ADGB: variants seen among roughly 807,000 people sequenced by gnomAD.
The protein encoded by ADGB is calpain-7-like protein.
ADGB carries 172 observed loss-of-function variants against 210.5 expected under a neutral mutation model. That is an observed-to-expected ratio of 0.82 (90% CI 0.72 to 0.93). The LOEUF is 0.93. Ranked by LOEUF, ADGB falls within the 40% of genes least tolerant of loss-of-function variation. The probability of loss-of-function intolerance (pLI) is 0.00; values close to 1 mark genes in which losing one functional copy is unlikely to be tolerated. For synonymous variants in ADGB, 658 were observed against 662.7 expected (o/e 0.99, Z 0.11); for missense variants, 2,025 against 1,964.8 (o/e 1.03, Z -0.58).
rs551961691 is a variant in ADGB at position 146,741,734 on chromosome 6, C to T, written c.3177+463C>T. Among the ~76,000 whole-genome samples the T allele has an allele frequency of 4.6e-5, 7 of 152,258 alleles. No homozygotes were observed. In the South Asian group the frequency reaches 1.0e-3, roughly 23 times the overall value. On this transcript the variant is annotated intron_variant, in intron 25 of 35. Coordinates refer to ENST00000397944, the MANE Select transcript of ADGB (RefSeq NM_024694.4). ...TTTGAGAGCTAAATAAATTGCTTTA[C>T]CAGCCAGAGGTACTTGGGGACCTTA...
chr6:146,736,886 C>T (rs566362146), intron 23 of ADGB, among the ~76,000 whole-genome samples: 3 of 151,990 alleles, frequency 2.0e-5, no homozygotes, highest in Admixed American at 1.3e-4. Context: ...GACCTGGTAG[C>T]GGATGAGATC....
At chr6:146,776,445 A>C (rs1777723677) in intron 29 of ADGB, among the ~76,000 whole-genome samples, 2 of 152,122 alleles carry the variant, frequency 1.3e-5, no homozygotes, top group Admixed American at 1.3e-4. Flanking sequence ...TCTGGCCTTC[A>C]AAGAACTTAA....
chr6:146,633,617 T>C (rs777769622), intron 1 of ADGB, among the ~76,000 whole-genome samples: 21 of 152,130 alleles, frequency 1.4e-4, no homozygotes, highest in Non-Finnish European at 2.5e-4. Flanking sequence ...GGAGCATTCT[T>C]TGATGGATAG....
intron 20 of ADGB, among the ~76,000 whole-genome samples, chr6:146,730,420 GA>G (rs1482106836): frequency 1.3e-5 from 2 of 152,050 alleles, no homozygotes; most frequent in East Asian, 3.9e-4. Context: ...ATACCATCAA[GA>G]TAAGCAATAT....
At position 146,654,207 on chromosome 6, in the gene ADGB, G is replaced by A. The variant is rs764442392; in HGVS notation, c.402+1G>A. On this transcript the variant is annotated splice_donor_variant, in intron 4 of 35. Coordinates refer to ENST00000397944, the MANE Select transcript of ADGB (RefSeq NM_024694.4). LOFTEE classifies it high-confidence loss of function. ...AAATGAACATTTACTCTGCAGCGAG[G>A]TATGTACAGAAATATGAACTAAAGT... 6.5e-7 allele frequency: 1 copy of A among 1,539,866 alleles called. No homozygotes were observed. The highest frequency in any genetic ancestry group is 2.5e-5 in the East Asian group (1 of 40,686).
Position 146,803,763 on chromosome 6 carries a change from G to T in ADGB, c.4818+1752G>T, listed in dbSNP as rs913605560. On this transcript the variant is annotated intron_variant, in intron 35 of 35. Transcript: ENST00000397944. ...ACCGCGGCGCCTCAGCCCAGCCTCC[G>T]CGCTGACAATCAGCGCCCGGCAGCC... is the stretch of plus-strand genomic sequence containing the variant. 3.5e-5 allele frequency: 24 copies of T among 680,544 alleles called. No homozygotes were observed. In the African/African-American group the frequency reaches 4.0e-4, roughly 11 times the overall value. The allele number at this position is 680,544 out of a possible 1,614,324, so 42.2% of individuals were successfully genotyped here.
At chr6:146,643,077 G>A (rs1045797860) in intron 2 of ADGB, among the ~76,000 whole-genome samples, 3 of 151,852 alleles carry the variant, frequency 2.0e-5, no homozygotes, top group Admixed American at 2.0e-4. Flanking sequence ...CAATAAAGGA[G>A]GGGAAAATGA....
At chr6:146,674,239 A>T (rs930994267) in intron 8 of ADGB, among the ~76,000 whole-genome samples, 1 of 152,164 alleles carries the variant, frequency 6.6e-6, no homozygotes, top group African/African-American at 2.4e-5. Context: ...ATAATGTATA[A>T]ACAACCCTGT....
At chr6:146,614,409 T>A (rs1780760209) in intron 1 of ADGB, among the ~76,000 whole-genome samples, 1 of 152,178 alleles carries the variant, frequency 6.6e-6, no homozygotes, top group South Asian at 2.1e-4. Flanking sequence ...CCCTTAGTAA[T>A]CCTTTCATCC....
chr6:146,621,176 G>A (rs145746596), intron 1 of ADGB, among the ~76,000 whole-genome samples: 1 of 152,110 alleles, frequency 6.6e-6, no homozygotes. Flanking sequence ...GTTGGCACTA[G>A]GTATTAATTC....
chr6:146,808,988 C>G (rs1457886662), intron 35 of ADGB, among the ~76,000 whole-genome samples: 4 of 151,544 alleles, frequency 2.6e-5, no homozygotes, highest in African/African-American at 9.7e-5. Context: ...TGGGAGCCCA[C>G]GCTATTTATT....
Position 146,733,163 on chromosome 6 carries a change from T to C in ADGB, c.2564T>C (p.Ile855Thr). Residue 855 changes from isoleucine to threonine, a missense_variant, in exon 21 of 36, where the codon ATA becomes ACA. By Grantham distance (89) the Ile-to-Thr change is moderately conservative (BLOSUM62 -1). Coordinates refer to ENST00000397944, the MANE Select transcript of ADGB (RefSeq NM_024694.4). ...TGGCGTTTAATGAAAAAAGTTCAAA[T>C]AACAAAACCTCCTCCAAACTTCAAA... ...SLWRLMKKVQ[I>T]TKPPPNFKFA... 6.5e-7 allele frequency: 1 copy of C among 1,537,604 alleles called. No individual in the cohort carries two copies. Among genetic ancestry groups the C allele is most frequent in the Non-Finnish European group, 8.8e-7 (1 of 1,139,162 alleles).
intron 35 of ADGB, among the ~76,000 whole-genome samples, chr6:146,807,145 A>T (rs550313919): frequency 7.2e-5 from 11 of 152,206 alleles, no homozygotes; most frequent in Admixed American, 2.0e-4. Context: ...TACCTTTGGT[A>T]AAAAAAAGTA....
chr6:146,781,974 A>T, intron 29 of ADGB, 46 bp from the exon 30 acceptor site: 3 of 1,336,202 alleles, frequency 2.2e-6, no homozygotes, highest in Non-Finnish European at 2.9e-6. Context: ...AAACCATTTT[A>T]TTGTTATATT....
chr6:146,789,004 T>C (rs112547795), intron 33 of ADGB, among the ~76,000 whole-genome samples: 3,181 of 152,320 alleles, frequency 0.021, 126 homozygotes, highest in African/African-American at 0.073. Flanking sequence ...TTTAAGAATG[T>C]CATTTTTTAA....
In ADGB at chr6:146,635,402, A is replaced by G; in HGVS notation, c.102A>G (p.Gln34=). The G allele has an allele frequency of 6.5e-7, 1 of 1,543,498 alleles. No homozygotes were observed. Among genetic ancestry groups the G allele is most frequent in the Non-Finnish European group, 8.7e-7 (1 of 1,143,048 alleles). ...TCTATCCTTTTGGCAGTAATGTACA[A>G]TCTGGTTCTACTGAACAAAAGAAGG... ...KDFYPFGSNV[Q]SGSTEQKKGK... is the part of the protein sequence containing the mutation. Residue 34 remains glutamine, a synonymous_variant, in exon 2 of 36, where the codon CAA becomes CAG. Coordinates refer to ENST00000397944, the MANE Select transcript of ADGB (RefSeq NM_024694.4).
In ADGB at chr6:146,625,508, T is replaced by G. The variant is rs1780959741; in HGVS notation, c.75-9867T>G. ...CATTTGTCCTTTCCAAATATCCTGT[T>G]GAAATGTGAGGTGTTTGGGTCATGG... On this transcript the variant is annotated intron_variant, in intron 1 of 35. Coordinates refer to ENST00000397944, the MANE Select transcript of ADGB (RefSeq NM_024694.4). Among the ~76,000 whole-genome samples the G allele has an allele frequency of 3.3e-5, 5 of 152,148 alleles. No individual in the cohort carries two copies. The South Asian group carries it at 1.0e-3, about 31-fold the overall frequency.
intron 1 of ADGB, among the ~76,000 whole-genome samples, chr6:146,634,520 A>C (rs1213031295): frequency 5.3e-5 from 8 of 152,058 alleles, no homozygotes; most frequent in South Asian, 2.1e-4. Context: ...TAAATAATAT[A>C]CCTATTTTAC....
At position 146,599,013 on chromosome 6, in the gene ADGB, C is replaced by G. The variant is rs866305964; in HGVS notation, c.-28C>G. ...GCGCCCGCAGGCTCTTTGCTCAGAG[C>G]TCAGCCCTACATAGATCGGCTTCTG... On this transcript the variant is annotated 5_prime_UTR_variant, in exon 1 of 36. Transcript: ENST00000397944. 13 of 1,545,074 alleles carry G rather than the reference C, an allele frequency of 8.4e-6. No individual in the cohort carries two copies. In the African/African-American group the frequency reaches 1.6e-4, roughly 20 times the overall value.
Sources: allele counts gnomAD v4.1 joint callset (sites outside exome capture counted in the v4.1 genomes callset), GRCh38; gene constraint gnomAD v4.1.1; transcripts MANE v1.5; gene names NCBI Gene and HGNC (gene_info 2026-07-23, HGNC 2026-07-21).